The following XKR4 variants were observed in gnomAD, a reference collection of about 807,000 sequenced individuals.
XKR4 encodes XK-related protein 4.
A neutral mutation model predicts 53.9 loss-of-function variants in XKR4; 12 were observed. The observed-to-expected ratio is 0.22, with a 90% CI of 0.14 to 0.36. The LOEUF is 0.36. Among genes scored for constraint, XKR4 ranks in the 10% least tolerant of loss-of-function variants. XKR4 has a pLI of 1.00. For synonymous variants in XKR4, 354 were observed against 362.4 expected (o/e 0.98, Z 0.26); for missense variants, 799 against 859.5 (o/e 0.93, Z 0.88).
intron 2 of XKR4, among the ~76,000 whole-genome samples, chr8:55,440,894 A>T (rs948608929): frequency 6.6e-6 from 1 of 152,084 alleles, no homozygotes; most frequent in African/African-American, 2.4e-5. Context: ...ACAATTATTC[A>T]AGTATCAGGA....
At chr8:55,460,407 G>A (rs1805636922) in intron 2 of XKR4, among the ~76,000 whole-genome samples, 1 of 152,112 alleles carries the variant, frequency 6.6e-6, no homozygotes, top group African/African-American at 2.4e-5. Context: ...TAAAACAAGT[G>A]GATATTATGG....
At chr8:55,113,700 G>A (rs1391430132) in intron 1 of XKR4, among the ~76,000 whole-genome samples, 1 of 152,144 alleles carries the variant, frequency 6.6e-6, no homozygotes, top group Non-Finnish European at 1.5e-5. Context: ...TACCCAATAG[G>A]TGGCATTTCA....
intron 2 of XKR4, among the ~76,000 whole-genome samples, chr8:55,436,770 T>A (rs921752561): frequency 6.6e-6 from 1 of 152,184 alleles, no homozygotes; most frequent in African/African-American, 2.4e-5. Flanking sequence ...AGCCTCCACT[T>A]CCCCTTCTCA....
chr8:55,127,720 A>C (rs1816492351), intron 1 of XKR4, among the ~76,000 whole-genome samples: 2 of 130,854 alleles, frequency 1.5e-5, no homozygotes, highest in African/African-American at 2.8e-5. Flanking sequence ...TCCTAATGCT[A>C]TCCCTCCCCC....
intron 2 of XKR4, among the ~76,000 whole-genome samples, chr8:55,420,740 C>T (rs6997389): frequency 0.013 from 1,977 of 151,552 alleles, 40 homozygotes; most frequent in African/African-American, 0.045. Context: ...ACATATGTAA[C>T]TAACCTGCAC....
chr8:55,350,738 C>CTTTTTTT (rs1028164969), intron 1 of XKR4, among the ~76,000 whole-genome samples: 7 of 122,432 alleles, frequency 5.7e-5, no homozygotes, highest in South Asian at 2.7e-4. Flanking sequence ...TTTTTCTTTT[C>CTTTTTTT]TTTTTTTTTT....
chr8:55,390,914 A>G (rs1804435852), intron 2 of XKR4, among the ~76,000 whole-genome samples: 1 of 152,210 alleles, frequency 6.6e-6, no homozygotes, highest in Non-Finnish European at 1.5e-5. Context: ...CCAAATTGTT[A>G]AATGTAAAAA....
At chr8:55,350,949 A>C (rs1183199648) in intron 1 of XKR4, among the ~76,000 whole-genome samples, 3 of 151,778 alleles carry the variant, frequency 2.0e-5, no homozygotes, top group Admixed American at 1.3e-4. Context: ...CCATGTTGGC[A>C]AGGCTGGTCT....
chr8:55,357,102 AT>A (rs1412419190), intron 1 of XKR4, among the ~76,000 whole-genome samples: 1 of 152,224 alleles, frequency 6.6e-6, no homozygotes, highest in Admixed American at 6.5e-5. Flanking sequence ...TTATATGCAG[AT>A]TTTCAACTAC....
At chr8:55,136,977 G>A (rs532719881) in intron 1 of XKR4, among the ~76,000 whole-genome samples, 2 of 152,270 alleles carry the variant, frequency 1.3e-5, no homozygotes, top group African/African-American at 2.4e-5. Flanking sequence ...ATGAATAAGT[G>A]CCTGTTATCT....
rs1038207374 is a variant in XKR4, at chr8:55,495,033, G to A, written c.1007-28248G>A. On this transcript the variant is annotated intron_variant, in intron 2 of 2. Transcript: ENST00000327381. ...GAGGGGTGCTGGCAGGCCAGCACCA[G>A]GCTGTCCTCAATACCTGCTTGGCCT... 3.3e-5 allele frequency among the ~76,000 whole-genome samples: 5 copies of A among 150,666 alleles called. No homozygotes were observed. The South Asian group carries it at 8.5e-4, about 26-fold the overall frequency.
chr8:55,209,653 C>T (rs1817702053), intron 1 of XKR4, among the ~76,000 whole-genome samples: 1 of 152,166 alleles, frequency 6.6e-6, no homozygotes, highest in Admixed American at 6.5e-5. Flanking sequence ...GTCCATGTCC[C>T]ACACATGGTT....
chr8:55,302,944 A>G (rs1819225869), intron 1 of XKR4, among the ~76,000 whole-genome samples: 1 of 152,222 alleles, frequency 6.6e-6, no homozygotes, highest in Admixed American at 6.5e-5. Flanking sequence ...ATCTGCAAAC[A>G]GGGACAATTT....
intron 1 of XKR4, among the ~76,000 whole-genome samples, chr8:55,162,231 T>A (rs1816995300): frequency 6.6e-6 from 1 of 152,274 alleles, no homozygotes. Flanking sequence ...ACCGAGTGCC[T>A]CCGACAGGCT....
intron 2 of XKR4, among the ~76,000 whole-genome samples, chr8:55,465,773 C>A (rs1239691549): frequency 6.6e-6 from 1 of 151,936 alleles, no homozygotes; most frequent in Non-Finnish European, 1.5e-5. Context: ...CTACAATGAA[C>A]TCAAACAAAT....
At position 55,456,951 on chromosome 8, in the gene XKR4, A is replaced by G. The variant is rs557414865; in HGVS notation, c.1007-66330A>G. ...TCCACAAACCTCAAATAGGATAAAC[A>G]TATCAGAATTCACACCTAGACACAT... On this transcript the variant is annotated intron_variant, in intron 2 of 2. Transcript: ENST00000327381. 2.6e-5 allele frequency among the ~76,000 whole-genome samples: 4 copies of G among 152,300 alleles called. No individual in the cohort carries two copies. The South Asian group carries it at 8.3e-4, about 32-fold the overall frequency.
At position 55,527,747 on chromosome 8, in the gene XKR4, A is replaced by T. The variant is rs570665076; in HGVS notation, c.*3520A>T. On this transcript the variant is annotated 3_prime_UTR_variant, in exon 3 of 3. Transcript: ENST00000327381. ...ACAAATATAATAAATTCTCTTACTG[A>T]CATGGCAAGAATATATAATTCAAGT... 4.9e-4 allele frequency: 75 copies of T among 152,322 alleles called. No individual in the cohort carries two copies. The highest frequency in any genetic ancestry group is 1.7e-3 in the African/African-American group (72 of 41,582). The allele number at this position is 152,322 out of a possible 1,614,324, so 9.4% of individuals were successfully genotyped here.
intron 2 of XKR4, among the ~76,000 whole-genome samples, chr8:55,368,133 G>A (rs1013692670): frequency 1.3e-5 from 2 of 151,904 alleles, no homozygotes; most frequent in Non-Finnish European, 2.9e-5. Flanking sequence ...GCTAATTTTT[G>A]TATTTTTAGT....
rs554479019 is a variant in XKR4 at position 55,357,915 on chromosome 8, G to T, written c.1006+38G>T. ...AATTTGGTTTCTGAATTTGGGGAAA[G>T]ATTGACTGGCTACTTTTGTCACAAT... is the stretch of plus-strand genomic sequence containing the variant. On this transcript the variant is annotated intron_variant, in intron 2 of 2. Coordinates refer to ENST00000327381, the MANE Select transcript of XKR4 (RefSeq NM_052898.2). 7 of 1,581,422 alleles carry T rather than the reference G, an allele frequency of 4.4e-6. No individual in the cohort carries two copies. In the South Asian group the frequency reaches 5.7e-5, roughly 13 times the overall value.
Sources: gnomAD v4.1 joint callset for allele counts (sites outside exome capture counted in the v4.1 genomes callset) on GRCh38, gnomAD v4.1.1 for gene constraint, MANE v1.5 for transcripts, NCBI Gene and HGNC (gene_info 2026-07-23, HGNC 2026-07-21) for gene names.